Variants in DOCK5 observed in about 807,000 individuals in gnomAD.
DOCK5 encodes the protein dedicator of cytokinesis 5, also known as dedicator of cytokinesis protein 5.
DOCK5 carries 142 observed loss-of-function variants against 251.8 expected under a neutral mutation model. The ratio of observed to expected loss-of-function variants is 0.56; its 90% CI spans 0.49 to 0.65. The LOEUF is 0.65. DOCK5 is among the 30% of genes least tolerant of loss of function. The pLI is 0.00. For synonymous variants in DOCK5, 842 were observed against 835.5 expected, an observed-to-expected ratio of 1.01 and a Z score of -0.13; for missense variants, 2,111 against 2,312.3, an observed-to-expected ratio of 0.91 and a Z score of 1.79.
At chr8:25,294,303 A>G (rs1319018415) in intron 6 of DOCK5, among the ~76,000 whole-genome samples, 1 of 152,216 alleles carries the variant, frequency 6.6e-6, no homozygotes, top group East Asian at 1.9e-4. Flanking sequence ...CGCCATGGAA[A>G]GGAACCTGCC....
intron 40 of DOCK5, among the ~76,000 whole-genome samples, chr8:25,384,451 A>AT (rs1311005105): frequency 0.018 from 482 of 26,332 alleles, 2 homozygotes; most frequent in Non-Finnish European, 0.038. Context: ...TTATTTATTT[A>AT]TTTATTTATT....
At chr8:25,356,911 AT>A (rs1800584724) in intron 27 of DOCK5, among the ~76,000 whole-genome samples, 1 of 792 alleles carries the variant, frequency 1.3e-3, no homozygotes, top group Non-Finnish European at 3.8e-3. Context: ...TGAAGATTAT[AT>A]ATATATATAT....
intron 27 of DOCK5, among the ~76,000 whole-genome samples, chr8:25,357,128 G>A (rs1285428042): frequency 6.6e-6 from 1 of 151,302 alleles, no homozygotes; most frequent in Non-Finnish European, 1.5e-5. Context: ...AAAAGTTCAT[G>A]GACAGACTGT....
intron 15 of DOCK5, 68 bp from the exon 16 acceptor site, chr8:25,320,912 C>A: frequency 7.1e-7 from 1 of 1,399,272 alleles, no homozygotes; most frequent in Non-Finnish European, 1.0e-6. Flanking sequence ...GAGCCTAATT[C>A]CATGAAATAA....
At chr8:25,315,114 A>T in intron 13 of DOCK5, among the ~76,000 whole-genome samples, 2 of 25,134 alleles carry the variant, frequency 8.0e-5, no homozygotes, top group African/African-American at 1.6e-4. Context: ...ACTGACTTTC[A>T]TTTATGTTGA....
At chr8:25,389,921 A>G (rs1801227488) in intron 41 of DOCK5, among the ~76,000 whole-genome samples, 1 of 148,226 alleles carries the variant, frequency 6.7e-6, no homozygotes, top group Non-Finnish European at 1.5e-5. Context: ...CTAAGTACCT[A>G]TTTCCTGATA....
At chr8:25,326,625 G>A (rs747792983) in intron 18 of DOCK5, among the ~76,000 whole-genome samples, 8 of 152,170 alleles carry the variant, frequency 5.3e-5, no homozygotes, top group Non-Finnish European at 1.0e-4. Flanking sequence ...TGAACTGCTG[G>A]TAGGTTAATG....
intron 13 of DOCK5, among the ~76,000 whole-genome samples, chr8:25,314,642 T>C (rs896951236): frequency 3.8e-5 from 5 of 133,118 alleles, no homozygotes; most frequent in Non-Finnish European, 7.8e-5. Flanking sequence ...CACCTATCTA[T>C]CTAACCGTCC....
chr8:25,199,663 G>C (rs1334906544), intron 1 of DOCK5, among the ~76,000 whole-genome samples: 1 of 152,170 alleles, frequency 6.6e-6, no homozygotes, highest in Non-Finnish European at 1.5e-5. Flanking sequence ...GATTACATGC[G>C]TGAGCCACCA....
At chr8:25,259,637 T>A (rs964355127) in intron 2 of DOCK5, among the ~76,000 whole-genome samples, 10 of 151,900 alleles carry the variant, frequency 6.6e-5, no homozygotes, top group Admixed American at 2.0e-4. Flanking sequence ...TTAAAAAAAA[T>A]TTTTTTAGAG....
At chr8:25,190,909 G>A (rs1265726616) in intron 1 of DOCK5, among the ~76,000 whole-genome samples, 2 of 150,464 alleles carry the variant, frequency 1.3e-5, no homozygotes, top group South Asian at 2.1e-4. Context: ...TCAGCCTCCC[G>A]CATAGCTGTG....
rs548766355 is a variant in DOCK5 at position 25,331,176 on chromosome 8, G to A, written c.1904-1075G>A. Among the ~76,000 whole-genome samples the A allele has an allele frequency of 8.7e-4, 131 of 151,112 alleles. 4 individuals are homozygous for A. In the South Asian group the frequency reaches 0.027, roughly 31 times the overall value. On this transcript the variant is annotated intron_variant, in intron 18 of 51. Coordinates refer to ENST00000276440, the MANE Select transcript of DOCK5 (RefSeq NM_024940.8). ...CTCTGAATAGAAATAGTAGCTTGATGTACTAAACTAGGTGATAATACAGTA... is the reference window on the plus strand; with the variant it reads ...CTCTGAATAGAAATAGTAGCTTGATATACTAAACTAGGTGATAATACAGTA...
chr8:25,256,857 G>A (rs1235516465), intron 2 of DOCK5, among the ~76,000 whole-genome samples: 1 of 151,210 alleles, frequency 6.6e-6, no homozygotes, highest in Non-Finnish European at 1.5e-5. Context: ...ACAGTCTTAG[G>A]GTTTTTCTAT....
Position 25,319,244 on chromosome 8 carries a change from G to A in DOCK5, c.1444-334G>A, listed in dbSNP as rs552003881. ...GTCTGCAGTTGTCACCTAACTTCTC[G>A]TCATCGTCATGTTCCCTGAGAGAGA... On this transcript the variant is annotated intron_variant, in intron 14 of 51. Coordinates refer to ENST00000276440, the MANE Select transcript of DOCK5 (RefSeq NM_024940.8). Among the ~76,000 whole-genome samples, 4 of 152,240 alleles carry A rather than the reference G, an allele frequency of 2.6e-5. No individual in the cohort carries two copies. In the South Asian group the frequency reaches 8.3e-4, roughly 32 times the overall value.
chr8:25,374,926 C>T (rs926709318), intron 37 of DOCK5: 11 of 1,265,860 alleles, frequency 8.7e-6, no homozygotes, highest in Non-Finnish European at 1.1e-5. Context: ...ATAAAACACA[C>T]ATTGATGAAT....
intron 15 of DOCK5, among the ~76,000 whole-genome samples, 181 bp downstream of exon 15, chr8:25,319,857 A>C (rs1394637520): frequency 6.6e-6 from 1 of 152,114 alleles, no homozygotes; most frequent in Non-Finnish European, 1.5e-5. Flanking sequence ...TCATTAAGAA[A>C]CTCAGTGATG....
intron 1 of DOCK5, among the ~76,000 whole-genome samples, chr8:25,217,588 G>A (rs1173954993): frequency 5.9e-5 from 9 of 152,316 alleles, no homozygotes; most frequent in African/African-American, 2.2e-4. Flanking sequence ...TGGCACAGAA[G>A]TCAGCAGTCA....
intron 39 of DOCK5, among the ~76,000 whole-genome samples, chr8:25,380,757 C>T (rs374869440): frequency 1.5e-4 from 23 of 152,292 alleles, no homozygotes; most frequent in African/African-American, 5.3e-4. Flanking sequence ...TCCATATTCC[C>T]AGCCATCAGT....
Position 25,415,580 on chromosome 8 carries a change from C to T in DOCK5, c.*4282C>T, listed in dbSNP as rs1291474097. On this transcript the variant is annotated 3_prime_UTR_variant, in exon 52 of 52. Coordinates refer to ENST00000276440, the MANE Select transcript of DOCK5 (RefSeq NM_024940.8). ...GTTTGTCTAAACTTTGTCAAAAATG[C>T]CTTTGCCATGATTTTGTTGCTATCT... 2 of 152,132 alleles carry T rather than the reference C, an allele frequency of 1.3e-5. No individual in the cohort carries two copies. Among genetic ancestry groups the T allele is most frequent in the Non-Finnish European group, 2.9e-5 (2 of 68,034 alleles). 9.4% of individuals were successfully genotyped at this position (152,132 alleles called of 1,614,324 possible). A position where few individuals can be genotyped will look rare whatever the true frequency, so the allele number is the denominator to read the frequency against.
Sources: allele counts gnomAD v4.1 joint callset (sites outside exome capture counted in the v4.1 genomes callset), GRCh38; gene constraint gnomAD v4.1.1; transcripts MANE v1.5; gene names NCBI Gene and HGNC (gene_info 2026-07-23, HGNC 2026-07-21).